The following DYM variants were observed in gnomAD, a reference collection of about 807,000 sequenced individuals.
The protein encoded by DYM is dymeclin, also known as dyggve-Melchior-Clausen syndrome protein.
In DYM, 78 loss-of-function variants were observed where a neutral mutation model predicts 93.1. The observed-to-expected ratio is 0.84, with a 90% confidence interval of 0.70 to 1.01. DYM has a LOEUF of 1.01. DYM is among the 50% of genes least tolerant of loss of function. The probability of loss-of-function intolerance (pLI) is 0.00; values close to 1 mark genes in which losing one functional copy is unlikely to be tolerated. For synonymous variants in DYM, 321 were observed against 319.7 expected, an observed-to-expected ratio of 1.00 and a Z score of -0.04; for missense variants, 789 against 845.0, an observed-to-expected ratio of 0.93 and a Z score of 0.82.
At chr18:49,107,037 G>T (rs2080888839) in intron 16 of DYM, among the ~76,000 whole-genome samples, 1 of 152,186 alleles carries the variant, frequency 6.6e-6, no homozygotes, top group Non-Finnish European at 1.5e-5. Flanking sequence ...TCACTTTCAG[G>T]TACACCAATC....
Position 49,191,940 on chromosome 18 carries a change from C to A in DYM, c.1625+17611G>T, listed in dbSNP as rs140598061. Among the ~76,000 whole-genome samples the A allele has an allele frequency of 5.7e-4, 86 of 151,952 alleles. 1 individual carries two copies. The East Asian group carries it at 0.014, about 25-fold the overall frequency. Reference sequence around the variant, plus strand: ...TTAATAGCTTTCTAAACAAGTCATTCATTCACTCATTTTGGAGACGGGGTC... The same window carrying A: ...TTAATAGCTTTCTAAACAAGTCATTAATTCACTCATTTTGGAGACGGGGTC... On this transcript the variant is annotated intron_variant, in intron 14 of 17. Coordinates refer to ENST00000675505, the MANE Select transcript of DYM (RefSeq NM_001353214.3).
At chr18:49,358,790 C>A (rs1264015888) in intron 6 of DYM, among the ~76,000 whole-genome samples, 5 of 152,146 alleles carry the variant, frequency 3.3e-5, no homozygotes, top group Admixed American at 1.3e-4. Context: ...CTGTGCTTGA[C>A]ACTGACATCC....
chr18:49,138,740 C>T (rs2084118888), intron 15 of DYM, among the ~76,000 whole-genome samples: 1 of 151,974 alleles, frequency 6.6e-6, no homozygotes, highest in Non-Finnish European at 1.5e-5. Flanking sequence ...TAGGGGAGAA[C>T]TGAAAATTGT....
At chr18:49,255,187 T>C (rs937136503) in intron 13 of DYM, among the ~76,000 whole-genome samples, 4 of 152,188 alleles carry the variant, frequency 2.6e-5, no homozygotes, top group Non-Finnish European at 5.9e-5. Context: ...ATGAAGAGAA[T>C]GTGAGATCAG....
chr18:49,396,688 A>G (rs1268453911), intron 2 of DYM, among the ~76,000 whole-genome samples: 2 of 152,204 alleles, frequency 1.3e-5, no homozygotes, highest in Non-Finnish European at 2.9e-5. Flanking sequence ...GTATCCATCA[A>G]TGGATGAATT....
In DYM at chr18:49,425,613, C is replaced by G. The variant is rs997888335; in HGVS notation, c.140+4642G>C. On this transcript the variant is annotated intron_variant, in intron 2 of 17. Transcript: ENST00000675505. ...ACCATCAGAGTGAACAGGCAACCTA[C>G]AGAATGGGAGAAAATTTTTGCAATC... Among the ~76,000 whole-genome samples the G allele has an allele frequency of 1.4e-4, 21 of 152,246 alleles. No individual in the cohort carries two copies. In the South Asian group the frequency reaches 2.7e-3, roughly 20 times the overall value.
chr18:49,133,050 T>C (rs186706360), intron 15 of DYM, among the ~76,000 whole-genome samples: 56 of 152,378 alleles, frequency 3.7e-4, no homozygotes, highest in African/African-American at 1.3e-3. Context: ...TATAATGCTA[T>C]ACATTCTTTG....
intron 17 of DYM, among the ~76,000 whole-genome samples, chr18:49,094,434 A>G (rs1407660690): frequency 6.6e-6 from 1 of 152,240 alleles, no homozygotes; most frequent in Non-Finnish European, 1.5e-5. Flanking sequence ...AGGAGAAATA[A>G]GTGACTCAGG....
chr18:49,255,273 C>A (rs2094367666), intron 13 of DYM, among the ~76,000 whole-genome samples: 1 of 152,166 alleles, frequency 6.6e-6, no homozygotes, highest in African/African-American at 2.4e-5. Flanking sequence ...ACCACATGCC[C>A]AGACTGAGGC....
intron 13 of DYM, among the ~76,000 whole-genome samples, chr18:49,225,722 TCTG>T (rs1184691495): frequency 6.6e-6 from 1 of 152,084 alleles, no homozygotes; most frequent in Non-Finnish European, 1.5e-5. Context: ...AATCATATTC[TCTG>T]CTGATTTCAA....
chr18:49,072,199 A>G (rs983511694), intron 17 of DYM, among the ~76,000 whole-genome samples: 10 of 152,210 alleles, frequency 6.6e-5, no homozygotes, highest in African/African-American at 2.2e-4. Flanking sequence ...ATACAACTAC[A>G]TGTTTCTCTT....
chr18:49,396,909 G>C (rs2070167431), intron 2 of DYM, among the ~76,000 whole-genome samples: 1 of 152,162 alleles, frequency 6.6e-6, no homozygotes, highest in African/African-American at 2.4e-5. Context: ...ACTGAAGGCT[G>C]GGTAGGACAG....
At chr18:49,289,404 T>TAAA (rs56240607) in intron 8 of DYM, among the ~76,000 whole-genome samples, 20 of 33,516 alleles carry the variant, frequency 6.0e-4, no homozygotes, top group African/African-American at 2.3e-3. Flanking sequence ...TACAAATCAG[T>TAAA]AAAAAAAAAA....
At chr18:49,445,371 C>T (rs746161945) in intron 1 of DYM, among the ~76,000 whole-genome samples, 1 of 152,102 alleles carries the variant, frequency 6.6e-6, no homozygotes, top group African/African-American at 2.4e-5. Flanking sequence ...GTACAGAAAC[C>T]ATTCTCTTTT....
chr18:49,377,497 C>A (rs1267536811), intron 5 of DYM, among the ~76,000 whole-genome samples: 1 of 152,000 alleles, frequency 6.6e-6, no homozygotes. Flanking sequence ...GAGGCAGAGG[C>A]TGCAGTGAGC....
chr18:49,354,942 T>C, intron 6 of DYM, among the ~76,000 whole-genome samples: 1 of 152,094 alleles, frequency 6.6e-6, no homozygotes, highest in South Asian at 2.1e-4. Context: ...CAATGATAGA[T>C]ACATTTCATC....
chr18:49,224,153 G>T (rs912519715), intron 13 of DYM, among the ~76,000 whole-genome samples: 2 of 152,058 alleles, frequency 1.3e-5, no homozygotes, highest in African/African-American at 4.8e-5. Context: ...GTGACAGGGA[G>T]TGTCAAAATT....
intron 8 of DYM, among the ~76,000 whole-genome samples, chr18:49,321,606 A>G (rs2062485135): frequency 1.3e-5 from 2 of 152,346 alleles, no homozygotes; most frequent in South Asian, 4.1e-4. Flanking sequence ...AATAATTTTT[A>G]TTACTACTCT....
At chr18:49,454,824 C>T (rs370761478) in intron 1 of DYM, among the ~76,000 whole-genome samples, 131 of 147,326 alleles carry the variant, frequency 8.9e-4, no homozygotes, top group African/African-American at 3.1e-3. Flanking sequence ...AGGAGAATGG[C>T]GTAGACCCAG....
Sources: allele counts gnomAD v4.1 joint callset (sites outside exome capture counted in the v4.1 genomes callset), GRCh38; gene constraint gnomAD v4.1.1; transcripts MANE v1.5; gene names NCBI Gene and HGNC (gene_info 2026-07-23, HGNC 2026-07-21).